TASP1: variants seen among roughly 807,000 people sequenced by gnomAD.
TASP1 encodes the protein taspase 1.
Under a neutral mutation model 56.6 loss-of-function variants are expected in TASP1, and 16 were observed. The ratio of observed to expected loss-of-function variants is 0.28; its 90% CI spans 0.19 to 0.43. The LOEUF (loss-of-function observed/expected upper bound fraction) is 0.43, where lower values mean the gene tolerates loss of function less well. Ranked by LOEUF, TASP1 falls within the 20% of genes least tolerant of loss-of-function variation. TASP1 has a pLI of 1.00. For synonymous variants in TASP1, 179 were observed against 184.2 expected (o/e 0.97, Z 0.23); for missense variants, 393 against 511.6 (o/e 0.77, Z 2.24).
At chr20:13,595,615 A>T (rs1342538603) in intron 4 of TASP1, among the ~76,000 whole-genome samples, 4 of 152,216 alleles carry the variant, frequency 2.6e-5, no homozygotes, top group Non-Finnish European at 5.9e-5. Context: ...AACAAAGATC[A>T]AAACAGACAA....
the TASP1 span, among the ~76,000 whole-genome samples, chr20:13,257,325 G>A: frequency 6.6e-6 from 1 of 152,266 alleles, no homozygotes; most frequent in Admixed American, 6.5e-5. Flanking sequence ...GACCAGCCTG[G>A]CCAACATGGT....
chr20:13,180,930 A>G, the TASP1 span, among the ~76,000 whole-genome samples: 1 of 152,204 alleles, frequency 6.6e-6, no homozygotes, highest in Non-Finnish European at 1.5e-5. Context: ...GATTTAATAA[A>G]AAGAGTCATG....
At chr20:13,587,725 A>G (rs1358136575) in intron 4 of TASP1, among the ~76,000 whole-genome samples, 2 of 151,068 alleles carry the variant, frequency 1.3e-5, no homozygotes, top group Non-Finnish European at 2.9e-5. Context: ...ACATGATTGT[A>G]TCAAAAAAAA....
At chr20:13,377,806 G>C in the TASP1 span, among the ~76,000 whole-genome samples, 288 of 152,110 alleles carry the variant, frequency 1.9e-3, 1 homozygote, top group Non-Finnish European at 3.3e-3. Flanking sequence ...TCTTGGGAGG[G>C]TGTATATGTC....
intron 11 of TASP1, among the ~76,000 whole-genome samples, chr20:13,481,227 C>A (rs1163920432): frequency 6.6e-6 from 1 of 152,122 alleles, no homozygotes; most frequent in Non-Finnish European, 1.5e-5. Flanking sequence ...CCCCCAGTTC[C>A]ATCCATGTTG....
chr20:13,304,692 AC>A, the TASP1 span, among the ~76,000 whole-genome samples: 1 of 151,768 alleles, frequency 6.6e-6, no homozygotes, highest in African/African-American at 2.4e-5. Flanking sequence ...GAATCAGTAA[AC>A]CCATAAGACT....
chr20:13,446,857 C>T (rs557677033), intron 11 of TASP1, among the ~76,000 whole-genome samples: 4 of 152,232 alleles, frequency 2.6e-5, no homozygotes, highest in East Asian at 1.9e-4. Context: ...TCAGCACACA[C>T]AAATTTAGCT....
the TASP1 span, among the ~76,000 whole-genome samples, chr20:13,148,199 G>T: frequency 1.3e-5 from 2 of 152,178 alleles, no homozygotes; most frequent in African/African-American, 4.8e-5. Context: ...TTAGGCAACT[G>T]CAAAGCTTTG....
At chr20:13,605,465 G>A (rs1368239340) in intron 4 of TASP1, among the ~76,000 whole-genome samples, 1 of 151,996 alleles carries the variant, frequency 6.6e-6, no homozygotes, top group African/African-American at 2.4e-5. Context: ...ATCACTCAAG[G>A]TCGGCGGTTT....
At chr20:13,335,243 A>T in the TASP1 span, among the ~76,000 whole-genome samples, 1 of 152,054 alleles carries the variant, frequency 6.6e-6, no homozygotes, top group Non-Finnish European at 1.5e-5. Flanking sequence ...GCATAGATAA[A>T]GCAAAGGTGA....
the TASP1 span, among the ~76,000 whole-genome samples, chr20:13,249,612 G>A: frequency 2.0e-5 from 3 of 152,196 alleles, no homozygotes; most frequent in African/African-American, 7.2e-5. Flanking sequence ...TTACACCACA[G>A]TCATAAAGTT....
At chr20:13,563,305 G>A (rs6042215) in intron 7 of TASP1, among the ~76,000 whole-genome samples, 1,688 of 151,202 alleles carry the variant, frequency 0.011, 43 homozygotes, top group African/African-American at 0.038. Flanking sequence ...AAACTCTCCC[G>A]GCAAAAAAAA....
At chr20:13,430,933 C>G (rs1257227029) in intron 12 of TASP1, among the ~76,000 whole-genome samples, 1 of 152,170 alleles carries the variant, frequency 6.6e-6, no homozygotes, top group African/African-American at 2.4e-5. Flanking sequence ...AGAGGAAAGT[C>G]TACATAACGG....
chr20:13,174,117 T>C, the TASP1 span, among the ~76,000 whole-genome samples: 1 of 152,182 alleles, frequency 6.6e-6, no homozygotes, highest in African/African-American at 2.4e-5. Flanking sequence ...TGTGTATATA[T>C]GTGAATGATG....
rs547903469 is a variant in TASP1, at chr20:13,445,492, C to T, written c.986-10338G>A. Among the ~76,000 whole-genome samples, 4 of 152,194 alleles carry T rather than the reference C, an allele frequency of 2.6e-5. No homozygotes were observed. The South Asian group carries it at 8.3e-4, about 32-fold the overall frequency. On this transcript the variant is annotated intron_variant, in intron 11 of 13. Coordinates refer to ENST00000337743, the MANE Select transcript of TASP1 (RefSeq NM_017714.3). ...TCTGCAAGTGGAGGGACCTGGGATC[C>T]CACAAACCCATCATCCAGCAACAGT...
chr20:13,311,243 T>TAGATGATAGATAGATAGATA, the TASP1 span, among the ~76,000 whole-genome samples: 4 of 127,860 alleles, frequency 3.1e-5, no homozygotes, highest in Non-Finnish European at 6.7e-5. Context: ...GATAGATAGA[T>TAGATGATAGATAGATAGATA]GATAGATAGA....
chr20:13,378,033 T>C, the TASP1 span, among the ~76,000 whole-genome samples: 1,629 of 152,314 alleles, frequency 0.011, 26 homozygotes, highest in African/African-American at 0.037. Context: ...CGCTCCTGGA[T>C]TCATTGATTT....
At chr20:13,498,983 T>C (rs1395771868) in intron 10 of TASP1, among the ~76,000 whole-genome samples, 1 of 151,890 alleles carries the variant, frequency 6.6e-6, no homozygotes, top group Non-Finnish European at 1.5e-5. Context: ...CAAAGGAAAA[T>C]AAAGTATGCT....
At chr20:13,533,368 T>C (rs1568553719) in intron 9 of TASP1, among the ~76,000 whole-genome samples, 1 of 152,098 alleles carries the variant, frequency 6.6e-6, no homozygotes, top group African/African-American at 2.4e-5. Context: ...CTAGATCAAA[T>C]AGATTGTTAA....
Sources: gnomAD v4.1 joint callset for allele counts (sites outside exome capture counted in the v4.1 genomes callset) on GRCh38, gnomAD v4.1.1 for gene constraint, MANE v1.5 for transcripts, NCBI Gene and HGNC (gene_info 2026-07-23, HGNC 2026-07-21) for gene names.